WASHC2C: variants seen among roughly 807,000 people sequenced by gnomAD.
The protein encoded by WASHC2C is WASH complex subunit 2C.
Under a neutral mutation model 142.2 loss-of-function variants are expected in WASHC2C, and 73 were observed. The observed-to-expected ratio is 0.51, with a 90% CI of 0.43 to 0.62. The LOEUF (loss-of-function observed/expected upper bound fraction) is 0.62, where lower values mean the gene tolerates loss of function less well. Among genes scored for constraint, WASHC2C ranks in the 20% least tolerant of loss-of-function variants. The pLI is 0.00. For synonymous variants in WASHC2C, 337 were observed against 565.5 expected, an observed-to-expected ratio of 0.60 and a Z score of 5.73; for missense variants, 969 against 1,531.7, an observed-to-expected ratio of 0.63 and a Z score of 6.13.
chr10:45,792,117 T>C, intron 30 of WASHC2C, 144 bp from the exon 31 acceptor site: 2 of 868,890 alleles, frequency 2.3e-6, no homozygotes. Context: ...AACCAGAATC[T>C]AAGAGGCTTG....
Position 45,728,958 on chromosome 10 carries a change from A to G in WASHC2C, c.223A>G (p.Thr75Ala), listed in dbSNP as rs782171543. 9.9e-6 allele frequency: 16 copies of G among 1,614,010 alleles called. No individual in the cohort carries two copies. The highest frequency in any genetic ancestry group is 1.0e-5 in the Non-Finnish European group (12 of 1,179,870). The change falls in exon 3 of 31, where the codon ACA (threonine) becomes GCA (alanine). Residue 75 changes from threonine to alanine, a missense_variant. Coordinates refer to ENST00000623400, the MANE Select transcript of WASHC2C (RefSeq NM_001330074.2). The part of the protein sequence containing the change: ...VDGLIRETKA[T>A]DCRLHNVFND... ...CGGACTAATCCGGGAAACCAAAGCC[A>G]CAGATTGTCGCCTGCATAATGTCTT... is the stretch of plus-strand genomic sequence containing the variant.
chr10:45,751,067 T>C (rs553670036), intron 10 of WASHC2C, among the ~76,000 whole-genome samples: 160 of 152,318 alleles, frequency 1.1e-3, no homozygotes, highest in Middle Eastern at 0.01. Flanking sequence ...CACATGTAGA[T>C]AACCCTTTAC....
At chr10:45,765,997 T>A (rs1332344938) in intron 19 of WASHC2C, among the ~76,000 whole-genome samples, 187 bp downstream of exon 19, 1 of 152,224 alleles carries the variant, frequency 6.6e-6, no homozygotes, top group Non-Finnish European at 1.5e-5. Flanking sequence ...ATGAATCTCT[T>A]CAAAATGGTT....
At position 45,786,921 on chromosome 10, in the gene WASHC2C, C is replaced by G. The variant is rs1180626607; in HGVS notation, c.2875-114C>G. 32 of 1,609,846 alleles carry G rather than the reference C, an allele frequency of 2.0e-5. No individual in the cohort carries two copies. In the Admixed American group the frequency reaches 5.0e-4, roughly 25 times the overall value. Reference sequence around the variant, plus strand: ...TAGATTGGGCGATTTTCCTACGTTTCTCTACTCCTCTCGTATTATACATTA... The same window carrying G: ...TAGATTGGGCGATTTTCCTACGTTTGTCTACTCCTCTCGTATTATACATTA... On this transcript the variant is annotated intron_variant, in intron 27 of 30. Transcript: ENST00000623400.
At chr10:45,767,217 C>T (rs1248965686) in intron 19 of WASHC2C, among the ~76,000 whole-genome samples, 7 of 148,586 alleles carry the variant, frequency 4.7e-5, no homozygotes, top group Non-Finnish European at 8.9e-5. Flanking sequence ...TGTCGTGAAC[C>T]GAGATCACGC....
At chr10:45,758,112 G>A (rs1395644905) in intron 16 of WASHC2C, among the ~76,000 whole-genome samples, 3 of 151,634 alleles carry the variant, frequency 2.0e-5, no homozygotes, top group Non-Finnish European at 4.4e-5. Flanking sequence ...AATGTGTCTC[G>A]TGAATTTGCT....
In WASHC2C at chr10:45,729,935, C is replaced by T. The variant is rs1283822755; in HGVS notation, c.291+909C>T. ...TTTTAATAGCTCAAGTTAAATGCCA[C>T]TTCCTGTCTTTTTTTGGAGAGCTAT... On this transcript the variant is annotated intron_variant, in intron 3 of 30. Transcript: ENST00000623400. Among the ~76,000 whole-genome samples, 5 of 152,188 alleles carry T rather than the reference C, an allele frequency of 3.3e-5. 1 individual carries two copies. Among genetic ancestry groups the T allele is most frequent in the Admixed American group, 3.3e-4 (5 of 15,264 alleles).
intron 17 of WASHC2C, among the ~76,000 whole-genome samples, chr10:45,762,061 T>G (rs2055171159): frequency 6.6e-6 from 1 of 151,862 alleles, no homozygotes; most frequent in Non-Finnish European, 1.5e-5. Flanking sequence ...TCTTGTCCTA[T>G]TTAATTGTTC....
intron 20 of WASHC2C, among the ~76,000 whole-genome samples, chr10:45,772,585 C>T (rs138639290): frequency 0.049 from 7,492 of 152,026 alleles, 162 homozygotes; most frequent in African/African-American, 0.087. Context: ...GGCATGGTGA[C>T]GTGTGCCTGT....
chr10:45,761,580 G>A (rs1390968866), intron 17 of WASHC2C, among the ~76,000 whole-genome samples: 1 of 152,206 alleles, frequency 6.6e-6, no homozygotes, highest in African/African-American at 2.4e-5. Context: ...AACTAAGGCA[G>A]TCTAAGTAAG....
At chr10:45,727,152 T>A, upstream of WASHC2C, 2 of 1,434,492 alleles carry the variant, frequency 1.4e-6, no homozygotes, top group Non-Finnish European at 1.8e-6. Context: ...CGCAGCTTCC[T>A]CCCCTCAGCA....
intron 20 of WASHC2C, among the ~76,000 whole-genome samples, chr10:45,772,905 C>T (rs1458327930): frequency 1.3e-5 from 2 of 152,052 alleles, no homozygotes; most frequent in Non-Finnish European, 2.9e-5. Context: ...TAGGCACGTC[C>T]GCTTTGATTC....
chr10:45,791,988 G>C (rs2058421661), intron 30 of WASHC2C, among the ~76,000 whole-genome samples: 1 of 145,672 alleles, frequency 6.9e-6, no homozygotes, highest in South Asian at 2.2e-4. Context: ...TGGAGATCAA[G>C]TTACCCTTCC....
At chr10:45,784,293 C>CATATATATATATATATACACACATATAT (rs2057841144) in intron 23 of WASHC2C, among the ~76,000 whole-genome samples, 2 of 63,660 alleles carry the variant, frequency 3.1e-5, no homozygotes, top group African/African-American at 1.0e-4. Flanking sequence ...TATATATACA[C>CATATATATATATATATACACACATATAT]ATATATATAT....
chr10:45,789,085 C>G lies in WASHC2C; in HGVS notation c.3302C>G (p.Ala1101Gly). 1 of 1,612,076 alleles carries G rather than the reference C, an allele frequency of 6.2e-7. No homozygotes were observed. Among genetic ancestry groups the G allele is most frequent in the East Asian group, 2.2e-5 (1 of 44,886 alleles). Residue 1101 changes from alanine (A) to glycine (G), a missense_variant, in exon 29 of 31, where the codon GCA becomes GGA. Coordinates refer to ENST00000623400, the MANE Select transcript of WASHC2C (RefSeq NM_001330074.2). The part of the protein sequence containing the change: ...STEEALAAAA[A>G]PWEGGPVPGV... ...GAGGAGGCCCTGGCAGCTGCCGCTG[C>G]ACCTTGGGAAGGTGGTCCTGTGCCT...
chr10:45,766,888 G>C (rs2055895951), intron 19 of WASHC2C, among the ~76,000 whole-genome samples: 1 of 152,112 alleles, frequency 6.6e-6, no homozygotes. Context: ...AGGGGGTGAA[G>C]TGGATATATA....
At position 45,792,560 on chromosome 10, in the gene WASHC2C, TC is replaced by T; in HGVS notation, c.*161del. ...TTAGTATTTTTCTGCACTGGTTTAA[TC>T]ATGCTTAATACTACAAAACAAAAAT... On this transcript the variant is annotated 3_prime_UTR_variant, in exon 31 of 31. Coordinates refer to ENST00000623400, the MANE Select transcript of WASHC2C (RefSeq NM_001330074.2). 2 of 1,065,392 alleles carry T rather than the reference TC, an allele frequency of 1.9e-6. No homozygotes were observed. The highest frequency in any genetic ancestry group is 2.7e-6 in the Non-Finnish European group (2 of 741,758). The allele number at this position is 1,065,392 out of a possible 1,614,324, so 66.0% of individuals were successfully genotyped here.
intron 3 of WASHC2C, among the ~76,000 whole-genome samples, chr10:45,732,975 C>T (rs1327856144): frequency 6.6e-6 from 1 of 152,208 alleles, no homozygotes; most frequent in Non-Finnish European, 1.5e-5. Flanking sequence ...ACATAATGCC[C>T]CTTGCTTTTG....
Position 45,790,437 on chromosome 10 carries a change from G to A in WASHC2C, c.3790G>A (p.Asp1264Asn), listed in dbSNP as rs1272824735. Residue 1264 changes from aspartate to asparagine, a missense_variant, in exon 30 of 31, where the codon GAT (aspartate) becomes AAT (asparagine). Coordinates refer to ENST00000623400, the MANE Select transcript of WASHC2C (RefSeq NM_001330074.2). Reference sequence around the variant, plus strand: ...GAAAACATTGGAATCTAATTTATTTGATGATAACATTGATATCTTTGCTGA... The same window carrying A: ...GAAAACATTGGAATCTAATTTATTTAATGATAACATTGATATCTTTGCTGA... ...KEKTLESNLF[D>N]DNIDIFADLT... The A allele has an allele frequency of 1.2e-6, 2 of 1,610,960 alleles. No homozygotes were observed. The highest frequency in any genetic ancestry group is 1.7e-6 in the Non-Finnish European group (2 of 1,179,346).
Sources: gnomAD v4.1 joint callset for allele counts (sites outside exome capture counted in the v4.1 genomes callset) on GRCh38, gnomAD v4.1.1 for gene constraint, MANE v1.5 for transcripts, NCBI Gene and HGNC (gene_info 2026-07-23, HGNC 2026-07-21) for gene names.